SCARB1: variants seen among roughly 807,000 people sequenced by gnomAD.
SCARB1 encodes the protein scavenger receptor class B member 1.
In SCARB1, 30 loss-of-function variants were observed where a neutral mutation model predicts 57.2. That is an observed-to-expected ratio of 0.52 (90% CI 0.39 to 0.71). SCARB1 has a LOEUF of 0.71. Ranked by LOEUF, SCARB1 falls within the 30% of genes least tolerant of loss-of-function variation. SCARB1 has a pLI of 0.00. For synonymous variants in SCARB1, 249 were observed against 268.3 expected (o/e 0.93, Z 0.70); for missense variants, 543 against 671.2 (o/e 0.81, Z 2.11).
At position 124,796,436 on chromosome 12, in the gene SCARB1, A is replaced by G. The variant is rs1949946578; in HGVS notation, c.1129-1168T>C. 6.6e-6 allele frequency among the ~76,000 whole-genome samples: 1 copy of G among 152,084 alleles called. No individual in the cohort carries two copies. The highest frequency in any genetic ancestry group is 6.6e-5 in the Admixed American group (1 of 15,264). ...TTTAAGTAAATAACCGAAGTGACAC[A>G]CATGTGTCATCAAAAACAACAGGAA... is the stretch of plus-strand genomic sequence containing the variant. On this transcript the variant is annotated intron_variant, in intron 8 of 12. Transcript: ENST00000261693. The surrounding 1 kb of genome is among the most constrained non-coding windows in gnomAD (Gnocchi z 4.0).
intron 7 of SCARB1, among the ~76,000 whole-genome samples, chr12:124,806,816 C>G (rs775873620): frequency 2.6e-5 from 4 of 152,128 alleles, no homozygotes; most frequent in African/African-American, 9.7e-5. Context: ...GCAGGAAGAT[C>G]GCTTGAGCCC....
intron 8 of SCARB1, among the ~76,000 whole-genome samples, chr12:124,799,484 G>T (rs1310945836): frequency 6.6e-6 from 1 of 152,074 alleles, no homozygotes; most frequent in Non-Finnish European, 1.5e-5. Flanking sequence ...CCATGATCAT[G>T]CCACTGCACC....
intron 8 of SCARB1, among the ~76,000 whole-genome samples, chr12:124,799,252 C>T (rs986497453): frequency 5.9e-5 from 9 of 152,212 alleles, no homozygotes; most frequent in Admixed American, 2.0e-4. Context: ...TGGCTGGGCA[C>T]GGCGGTTCAT....
At chr12:124,821,162 C>A (rs930702075) in intron 1 of SCARB1, among the ~76,000 whole-genome samples, 1 of 151,962 alleles carries the variant, frequency 6.6e-6, no homozygotes, top group African/African-American at 2.4e-5. Flanking sequence ...GACTTGAGCC[C>A]AGGAAGCAGA....
At chr12:124,848,468 T>C (rs1017166413) in intron 1 of SCARB1, among the ~76,000 whole-genome samples, 2 of 152,212 alleles carry the variant, frequency 1.3e-5, no homozygotes, top group Non-Finnish European at 2.9e-5. Flanking sequence ...AGATTAAAGG[T>C]GTGGATCCTC....
intron 7 of SCARB1, among the ~76,000 whole-genome samples, chr12:124,804,388 C>T (rs1003799934): frequency 6.6e-6 from 1 of 152,236 alleles, no homozygotes; most frequent in Non-Finnish European, 1.5e-5. Flanking sequence ...TTGGCAGAGG[C>T]AGCTTCCAGA....
At chr12:124,833,017 C>T (rs143853964) in intron 1 of SCARB1, among the ~76,000 whole-genome samples, 5 of 151,998 alleles carry the variant, frequency 3.3e-5, no homozygotes, top group African/African-American at 4.8e-5. Flanking sequence ...CTTCCGTTTC[C>T]CAGCTTCTAA....
Position 124,786,416 on chromosome 12 carries a change from G to A in SCARB1, c.1342C>T (p.Leu448Phe). The change falls in exon 11 of 13, where the codon CTC becomes TTC. Residue 448 changes from leucine (L) to phenylalanine (F), a missense_variant. Coordinates refer to ENST00000261693, the MANE Select transcript of SCARB1 (RefSeq NM_005505.5). ...PKVMHYAQYV[L>F]LALGCVLLLV... ...AGCAGGACGCAGCCCAGCGCCAGGA[G>A]GACGTACTGGGCATAGTGCATCACC... is the stretch of plus-strand genomic sequence containing the variant. 1 of 1,614,148 alleles carries A rather than the reference G, an allele frequency of 6.2e-7. No individual in the cohort carries two copies. The highest frequency in any genetic ancestry group is 8.5e-7 in the Non-Finnish European group (1 of 1,180,016).
intron 1 of SCARB1, among the ~76,000 whole-genome samples, chr12:124,820,329 A>G (rs1000087143): frequency 2.0e-5 from 3 of 152,208 alleles, no homozygotes; most frequent in Non-Finnish European, 2.9e-5. Flanking sequence ...ACTGAGGCAC[A>G]ACTAAGGCTG....
In SCARB1 at chr12:124,863,095, T is replaced by A. The variant is rs1045121761; in HGVS notation, c.126+500A>T. On this transcript the variant is annotated intron_variant, in intron 1 of 12. Coordinates refer to ENST00000261693, the MANE Select transcript of SCARB1 (RefSeq NM_005505.5). ...AGGATGCTCAGCTGAGCACCTACCA[T>A]GTGAGCTGGGCACCCACGTGGGTCT... is the stretch of plus-strand genomic sequence containing the variant. 3.3e-5 allele frequency among the ~76,000 whole-genome samples: 5 copies of A among 152,180 alleles called. No individual in the cohort carries two copies. In the East Asian group the frequency reaches 9.6e-4, roughly 29 times the overall value.
chr12:124,829,032 A>G (rs1951281530), intron 1 of SCARB1, among the ~76,000 whole-genome samples: 1 of 152,156 alleles, frequency 6.6e-6, no homozygotes, highest in Non-Finnish European at 1.5e-5. Context: ...GGCTAATCCA[A>G]TCTGGGACTT....
chr12:124,828,978 C>T (rs1014523660), intron 1 of SCARB1, among the ~76,000 whole-genome samples: 1 of 152,200 alleles, frequency 6.6e-6, no homozygotes, highest in Non-Finnish European at 1.5e-5. Context: ...TCCAGGCATC[C>T]CCAGCTCCAT....
Position 124,810,657 on chromosome 12 carries a change from C to T in SCARB1, c.727-368G>A, listed in dbSNP as rs1950491533. Among the ~76,000 whole-genome samples, 2 of 152,166 alleles carry T rather than the reference C, an allele frequency of 1.3e-5. No homozygotes were observed. The highest frequency in any genetic ancestry group is 2.1e-4 in the South Asian group (1 of 4,834). ...TCAACAGGCACCTCCTGAAAACAAT[C>T]GGCACACAGGCAAACTACTTAAAAT... On this transcript the variant is annotated intron_variant, in intron 5 of 12. Coordinates refer to ENST00000261693, the MANE Select transcript of SCARB1 (RefSeq NM_005505.5). The surrounding 1 kb of genome is among the most constrained non-coding windows in gnomAD (Gnocchi z 4.0).
At chr12:124,853,138 T>C (rs1378837468) in intron 1 of SCARB1, among the ~76,000 whole-genome samples, 1 of 151,888 alleles carries the variant, frequency 6.6e-6, no homozygotes, top group Non-Finnish European at 1.5e-5. Context: ...CATTTAAACA[T>C]AAAAGAGGAA....
intron 1 of SCARB1, among the ~76,000 whole-genome samples, chr12:124,841,229 G>A (rs567461093): frequency 3.9e-5 from 6 of 152,214 alleles, no homozygotes; most frequent in African/African-American, 9.6e-5. Flanking sequence ...AAAATTAGCC[G>A]GGCGTGGTGG....
At chr12:124,797,274 C>T (rs1726374) in intron 8 of SCARB1, among the ~76,000 whole-genome samples, 13,588 of 152,196 alleles carry the variant, frequency 0.089, 1,400 homozygotes, top group East Asian at 0.42. Context: ...TCTGTCATTA[C>T]AATAAGTCTT....
intron 9 of SCARB1, among the ~76,000 whole-genome samples, chr12:124,787,707 G>A (rs978254764): frequency 1.3e-5 from 2 of 150,358 alleles, no homozygotes; most frequent in South Asian, 2.1e-4. Context: ...TTTAAAAGGC[G>A]TTTTGTTTTT....
intron 1 of SCARB1, chr12:124,821,540 C>T (rs1186358336): frequency 7.1e-6 from 7 of 985,382 alleles, no homozygotes; most frequent in Non-Finnish European, 8.4e-6. Flanking sequence ...TCAGCCCATT[C>T]ATTCAGCACT....
At chr12:124,839,491 G>A (rs1951826546) in intron 1 of SCARB1, among the ~76,000 whole-genome samples, 1 of 152,292 alleles carries the variant, frequency 6.6e-6, no homozygotes, top group African/African-American at 2.4e-5. Flanking sequence ...TTGGGCCATC[G>A]TGAACAGCGC....
Sources: allele counts gnomAD v4.1 joint callset (sites outside exome capture counted in the v4.1 genomes callset), GRCh38; gene constraint gnomAD v4.1.1; non-coding constraint Gnocchi (gnomAD v3.1); transcripts MANE v1.5; gene names NCBI Gene and HGNC (gene_info 2026-07-23, HGNC 2026-07-21).